VCAN: variants seen among roughly 807,000 people sequenced by gnomAD.
The protein encoded by VCAN is versican core protein.
In VCAN, 44 loss-of-function variants were observed where a neutral mutation model predicts 245.5. That is an observed-to-expected ratio of 0.18 (90% CI 0.14 to 0.23). The LOEUF (loss-of-function observed/expected upper bound fraction) is 0.23, where lower values mean the gene tolerates loss of function less well. Among genes scored for constraint, VCAN ranks in the 10% least tolerant of loss-of-function variants. The pLI is 1.00. For synonymous variants in VCAN, 1,413 were observed against 1,437.0 expected (o/e 0.98, Z 0.38); for missense variants, 3,793 against 4,057.9 (o/e 0.93, Z 1.77).
chr5:83,519,174 T>C (rs559110632), intron 6 of VCAN, among the ~76,000 whole-genome samples, 175 bp from the exon 7 acceptor site: 1 of 152,314 alleles, frequency 6.6e-6, no homozygotes, highest in South Asian at 2.1e-4. Flanking sequence ...AAGTGTTCAA[T>C]TATCTGTCCT....
chr5:83,526,520 T>A (rs1746308336), intron 7 of VCAN, among the ~76,000 whole-genome samples: 1 of 152,116 alleles, frequency 6.6e-6, no homozygotes, highest in Admixed American at 6.5e-5. Flanking sequence ...TGGTGGTTTT[T>A]AAAATAACAT....
chr5:83,510,576 G>T (rs186944400), intron 5 of VCAN, among the ~76,000 whole-genome samples: 1 of 152,278 alleles, frequency 6.6e-6, no homozygotes, highest in African/African-American at 2.4e-5. Context: ...TCCTGACTGT[G>T]ATATTGGCTT....
chr5:83,561,335 C>A (rs1747858653), intron 12 of VCAN, among the ~76,000 whole-genome samples: 1 of 152,072 alleles, frequency 6.6e-6, no homozygotes, highest in East Asian at 1.9e-4. Flanking sequence ...CTAGCTCTAA[C>A]CAACTCATCT....
chr5:83,543,265 A>T (rs1747074257), intron 8 of VCAN, among the ~76,000 whole-genome samples: 1 of 152,216 alleles, frequency 6.6e-6, no homozygotes, highest in African/African-American at 2.4e-5. Flanking sequence ...TTTTCCCATA[A>T]TGTTATTATT....
chr5:83,489,733 G>A (rs189669483), intron 2 of VCAN, among the ~76,000 whole-genome samples: 2 of 151,086 alleles, frequency 1.3e-5, no homozygotes, highest in African/African-American at 4.9e-5. Flanking sequence ...TCCTAATGTT[G>A]GTCCAGTCCT....
chr5:83,508,760 T>A (rs1745557118), intron 5 of VCAN, among the ~76,000 whole-genome samples: 1 of 152,256 alleles, frequency 6.6e-6, no homozygotes. Flanking sequence ...ATCTTCCTTT[T>A]TTTCATCTGA....
rs147152203 is a variant in VCAN at position 83,520,170 on chromosome 5, T to C, written c.1864T>C (p.Trp622Arg). 472 of 1,614,020 alleles carry C rather than the reference T, an allele frequency of 2.9e-4. 1 individual carries two copies. In the African/African-American group the frequency reaches 5.2e-3, roughly 18 times the overall value. ...PDNNGSSMDDWEERQTSGRIT... is the reference protein window; with the variant it reads ...PDNNGSSMDDREERQTSGRIT... ...TAATAATGGATCATCCATGGATGAC[T>C]GGGAAGAGAGACAAACTAGTGGTAG... The change falls in exon 7 of 15, where the codon TGG becomes CGG. Residue 622 changes from tryptophan (W) to arginine (R), a missense_variant. Physicochemically the swap from Trp to Arg is moderately radical, Grantham distance 101 (BLOSUM62 -3). Transcript: ENST00000265077.
chr5:83,510,181 C>A (rs923291712), intron 5 of VCAN, among the ~76,000 whole-genome samples: 2 of 152,174 alleles, frequency 1.3e-5, no homozygotes, highest in East Asian at 3.9e-4. Flanking sequence ...TCTACCACTT[C>A]TTTCAGTCAG....
At chr5:83,512,446 C>T (rs760529398) in intron 6 of VCAN, 50 bp downstream of exon 6, 34 of 1,591,412 alleles carry the variant, frequency 2.1e-5, no homozygotes, top group Admixed American at 5.1e-5. Context: ...AAAAATGCTT[C>T]GAAGCATGCA....
At chr5:83,559,398 T>A (rs1747781053) in intron 12 of VCAN, among the ~76,000 whole-genome samples, 1 of 152,096 alleles carries the variant, frequency 6.6e-6, no homozygotes, top group African/African-American at 2.4e-5. Context: ...AAATGTTAAT[T>A]ATTAGTATGG....
At chr5:83,531,056 G>C (rs1357448016) in intron 7 of VCAN, among the ~76,000 whole-genome samples, 1 of 152,112 alleles carries the variant, frequency 6.6e-6, no homozygotes, top group Admixed American at 6.6e-5. Context: ...ATAAATTCTG[G>C]TGGACCTTCT....
intron 8 of VCAN, among the ~76,000 whole-genome samples, chr5:83,543,552 T>C (rs1410084406): frequency 6.6e-6 from 1 of 152,222 alleles, no homozygotes; most frequent in African/African-American, 2.4e-5. Context: ...TGAGGAAAAT[T>C]GATCAAAGGT....
chr5:83,554,581 C>T (rs1747591685), intron 11 of VCAN, among the ~76,000 whole-genome samples: 1 of 151,572 alleles, frequency 6.6e-6, no homozygotes, highest in South Asian at 2.1e-4. Flanking sequence ...TTTATTGGGT[C>T]ACTGAATTTT....
chr5:83,580,167 GTGGTCCTTTAGAAAGAA>G lies in VCAN; in HGVS notation c.10063+9_10063+25del, dbSNP rs756891452. ...CTAAAATTACCTGCATGAACCGTAA[GTGGTCCTTTAGAAAGAA>G]TGGACTACCGTGCTATAACAACTAC... is the stretch of plus-strand genomic sequence containing the variant. On this transcript the variant is annotated splice_donor_region_variant and intron_variant, in intron 14 of 14. Coordinates refer to ENST00000265077, the MANE Select transcript of VCAN (RefSeq NM_004385.5). The G allele has an allele frequency of 8.1e-6, 13 of 1,614,072 alleles. No homozygotes were observed. The African/African-American group carries it at 1.5e-4, about 18-fold the overall frequency.
chr5:83,518,746 A>G (rs1275008670), intron 6 of VCAN, among the ~76,000 whole-genome samples: 1 of 152,214 alleles, frequency 6.6e-6, no homozygotes, highest in Non-Finnish European at 1.5e-5. Context: ...AAAAAGTTTT[A>G]ATATCCTGTT....
chr5:83,520,385 G>A lies in VCAN; in HGVS notation c.2079G>A (p.Glu693=), dbSNP rs751876341. 1 of 1,612,804 alleles carries A rather than the reference G, an allele frequency of 6.2e-7. No homozygotes were observed. The highest frequency in any genetic ancestry group is 8.5e-7 in the Non-Finnish European group (1 of 1,179,596). The change falls in exon 7 of 15, where the codon GAG becomes GAA. Residue 693 remains glutamate (E), a synonymous_variant. Transcript: ENST00000265077. ...AAAGAACAGAAACACTAATACCAGA[G>A]ATGAGAACAGATACTTATACAGATG... The part of the protein sequence containing the change: ...RRERTETLIP[E]MRTDTYTDEI...
At chr5:83,514,372 A>G (rs956773526) in intron 6 of VCAN, among the ~76,000 whole-genome samples, 1 of 151,686 alleles carries the variant, frequency 6.6e-6, no homozygotes, top group Admixed American at 6.6e-5. Context: ...ACCACACATA[A>G]TGCCAATAGT....
In VCAN at chr5:83,539,472, G is replaced by T. The variant is rs1182672018; in HGVS notation, c.6469G>T (p.Val2157Leu). The part of the protein sequence containing the change: ...ETELKTTDYS[V>L]LTTKKTYSDD... ...TGAACTCAAAACCACAGATTATTCT[G>T]TACTAACAACAAAGAAAACTTACAG... Residue 2157 changes from valine to leucine, a missense_variant, in exon 8 of 15, where the codon GTA becomes TTA. Coordinates refer to ENST00000265077, the MANE Select transcript of VCAN (RefSeq NM_004385.5). 2 of 1,613,702 alleles carry T rather than the reference G, an allele frequency of 1.2e-6. No individual in the cohort carries two copies. The highest frequency in any genetic ancestry group is 1.7e-5 in the Admixed American group (1 of 59,914).
In VCAN at chr5:83,490,210, T is replaced by C; in HGVS notation, c.183T>C (p.Phe61=). 6.2e-7 allele frequency: 1 copy of C among 1,614,170 alleles called. No homozygotes were observed. Among genetic ancestry groups the C allele is most frequent in the Non-Finnish European group, 8.5e-7 (1 of 1,180,026 alleles). ...TLPPSYNTSE[F]LRIKWSKIEV... ...CACCCAGTTACAACACCAGTGAATT[T>C]CTCCGCATCAAATGGTCTAAGATTG... Residue 61 remains phenylalanine (F), a synonymous_variant, in exon 3 of 15, where the codon TTT becomes TTC. Coordinates refer to ENST00000265077, the MANE Select transcript of VCAN (RefSeq NM_004385.5).
Sources: allele counts gnomAD v4.1 joint callset (sites outside exome capture counted in the v4.1 genomes callset), GRCh38; gene constraint gnomAD v4.1.1; transcripts MANE v1.5; gene names NCBI Gene and HGNC (gene_info 2026-07-23, HGNC 2026-07-21).